The following NBEA variants were observed in gnomAD, a reference collection of about 807,000 sequenced individuals.
NBEA encodes the protein lysosomal-trafficking regulator 2.
A neutral mutation model predicts 343.4 loss-of-function variants in NBEA; 44 were observed. That is an observed-to-expected ratio of 0.13 (90% CI 0.10 to 0.16). The LOEUF is 0.16. Ranked by LOEUF, NBEA falls within the 10% of genes least tolerant of loss-of-function variation. The probability of loss-of-function intolerance (pLI) is 1.00; values close to 1 mark genes in which losing one functional copy is unlikely to be tolerated. For synonymous variants in NBEA, 1,175 were observed against 1,238.7 expected, an observed-to-expected ratio of 0.95 and a Z score of 1.08; for missense variants, 2,555 against 3,631.3, an observed-to-expected ratio of 0.70 and a Z score of 7.62.
chr13:35,020,374 T>G (rs1187882491), intron 1 of NBEA, among the ~76,000 whole-genome samples: 1 of 152,186 alleles, frequency 6.6e-6, no homozygotes, highest in Non-Finnish European at 1.5e-5. Flanking sequence ...TCCTTTAAAT[T>G]TATTGAGATT....
intron 1 of NBEA, among the ~76,000 whole-genome samples, chr13:34,981,124 C>T (rs1283093858): frequency 2.0e-5 from 3 of 152,152 alleles, no homozygotes; most frequent in African/African-American, 7.2e-5. Flanking sequence ...TTTACCCTCT[C>T]CATGTTTGCC....
intron 1 of NBEA, among the ~76,000 whole-genome samples, chr13:35,002,564 A>G (rs984555002): frequency 3.3e-5 from 5 of 152,338 alleles, no homozygotes; most frequent in African/African-American, 9.6e-5. Context: ...AAACATATGC[A>G]TTAGAAAATG....
intron 12 of NBEA, among the ~76,000 whole-genome samples, chr13:35,109,965 T>A (rs2066105752): frequency 6.6e-6 from 1 of 151,580 alleles, no homozygotes; most frequent in African/African-American, 2.4e-5. Context: ...GAGCTATCTT[T>A]TATAGTTTAA....
intron 34 of NBEA, among the ~76,000 whole-genome samples, chr13:35,246,285 A>T (rs1037151288): frequency 2.6e-5 from 4 of 152,004 alleles, no homozygotes; most frequent in Non-Finnish European, 4.4e-5. Flanking sequence ...TTTTTCTGGC[A>T]ATTCAGGGAT....
At chr13:34,946,393 C>T (rs905353191) in intron 1 of NBEA, among the ~76,000 whole-genome samples, 2 of 151,958 alleles carry the variant, frequency 1.3e-5, no homozygotes, top group Non-Finnish European at 2.9e-5. Flanking sequence ...ATGTAAGTAT[C>T]GTGTTATTGT....
intron 17 of NBEA, among the ~76,000 whole-genome samples, chr13:35,137,952 A>T (rs185820185): frequency 1.1e-4 from 17 of 152,258 alleles, no homozygotes; most frequent in African/African-American, 3.8e-4. Context: ...AATCCCTTGA[A>T]ATTCAGAAAG....
chr13:34,950,860 G>C (rs1460095143), intron 1 of NBEA, among the ~76,000 whole-genome samples: 1 of 152,044 alleles, frequency 6.6e-6, no homozygotes, highest in Admixed American at 6.5e-5. Context: ...AGTCTGAGGT[G>C]GGAGGATTGC....
At chr13:35,651,922 A>G (rs1466474843) in intron 53 of NBEA, 46 bp downstream of exon 53, 3 of 1,016,488 alleles carry the variant, frequency 3.0e-6, no homozygotes. Context: ...CTATCCATAT[A>G]TTCATATATA....
intron 34 of NBEA, among the ~76,000 whole-genome samples, chr13:35,253,364 T>G (rs1246205484): frequency 6.6e-6 from 1 of 152,248 alleles, no homozygotes; most frequent in Non-Finnish European, 1.5e-5. Flanking sequence ...AGCAATGGTA[T>G]ATTTTTAAAT....
At chr13:34,983,169 C>T (rs535478089) in intron 1 of NBEA, among the ~76,000 whole-genome samples, 27 of 152,232 alleles carry the variant, frequency 1.8e-4, no homozygotes, top group Non-Finnish European at 2.9e-4. Context: ...TATACCTCCC[C>T]CTGACCCCCA....
intron 33 of NBEA, among the ~76,000 whole-genome samples, chr13:35,229,704 C>G (rs902802613): frequency 5.4e-4 from 82 of 151,988 alleles, no homozygotes; most frequent in African/African-American, 1.9e-3. Flanking sequence ...CACAATATGT[C>G]TTTTTTGGTA....
At chr13:35,430,384 A>G (rs973730510) in intron 38 of NBEA, among the ~76,000 whole-genome samples, 1 of 151,970 alleles carries the variant, frequency 6.6e-6, no homozygotes, top group Non-Finnish European at 1.5e-5. Flanking sequence ...CTCCCATTTT[A>G]TGGGTTGTCT....
chr13:34,999,902 A>C (rs17051798), intron 1 of NBEA, among the ~76,000 whole-genome samples: 4,251 of 152,266 alleles, frequency 0.028, 86 homozygotes, highest in South Asian at 0.075. Flanking sequence ...CAGTACTTAC[A>C]TTCACTGGTA....
chr13:35,060,599 T>A (rs1307290495), intron 8 of NBEA, among the ~76,000 whole-genome samples: 1 of 151,822 alleles, frequency 6.6e-6, no homozygotes, highest in Admixed American at 6.6e-5. Flanking sequence ...CACCCCTTGT[T>A]GTTAGCTTGG....
intron 38 of NBEA, among the ~76,000 whole-genome samples, chr13:35,404,040 A>G: frequency 6.6e-6 from 1 of 152,288 alleles, no homozygotes; most frequent in South Asian, 2.1e-4. Context: ...GCAAATCAAA[A>G]CCACAATGAG....
At chr13:35,270,456 G>T (rs181385045) in intron 34 of NBEA, among the ~76,000 whole-genome samples, 1 of 152,186 alleles carries the variant, frequency 6.6e-6, no homozygotes, top group African/African-American at 2.4e-5. Flanking sequence ...GAGGTACCTC[G>T]TTCATCTCAC....
chr13:35,255,177 C>T (rs1405239053), intron 34 of NBEA, among the ~76,000 whole-genome samples: 1 of 152,124 alleles, frequency 6.6e-6, no homozygotes, highest in African/African-American at 2.4e-5. Flanking sequence ...ATTTTTTTCC[C>T]CACTGAATGG....
chr13:35,459,038 C>G (rs1226152300), intron 40 of NBEA, among the ~76,000 whole-genome samples: 1 of 135,448 alleles, frequency 7.4e-6, no homozygotes, highest in African/African-American at 2.9e-5. Context: ...CACACACACA[C>G]TTACCAAGTT....
chr13:35,558,033 G>A (rs1027763445), intron 44 of NBEA, among the ~76,000 whole-genome samples: 5 of 152,106 alleles, frequency 3.3e-5, no homozygotes, highest in African/African-American at 1.2e-4. Context: ...TGGAGTTTTA[G>A]AAAAATTAAA....
Sources: allele counts gnomAD v4.1 joint callset (sites outside exome capture counted in the v4.1 genomes callset), GRCh38; gene constraint gnomAD v4.1.1; transcripts MANE v1.5; gene names NCBI Gene and HGNC (gene_info 2026-07-23, HGNC 2026-07-21).